The following SOS1 variants were observed in gnomAD, a reference collection of about 807,000 sequenced individuals.
SOS1 encodes SOS Ras/Rac guanine nucleotide exchange factor 1.
SOS1 carries 25 observed loss-of-function variants against 157.6 expected under a neutral mutation model. The ratio of observed to expected loss-of-function variants is 0.16; its 90% confidence interval spans 0.12 to 0.22. The LOEUF is 0.22. SOS1 is among the 10% of genes least tolerant of loss of function. The pLI is 1.00. For missense variants in SOS1, 1,237 were observed against 1,599.1 expected (o/e 0.77, Z 3.86); for synonymous variants, 528 against 534.0 (o/e 0.99, Z 0.16).
chr2:39,045,913 C>T (rs1670766858), intron 6 of SOS1, among the ~76,000 whole-genome samples: 1 of 151,998 alleles, frequency 6.6e-6, no homozygotes. Flanking sequence ...CGGGTTTCAC[C>T]ATGTTGGCCA....
intron 1 of SOS1, among the ~76,000 whole-genome samples, chr2:39,070,894 GCT>G (rs1671771240): frequency 6.6e-6 from 1 of 152,042 alleles, no homozygotes; most frequent in South Asian, 2.1e-4. Context: ...ATGGAGTCTC[GCT>G]CTGTCACTCA....
chr2:39,030,221 G>A (rs1418676356), intron 8 of SOS1, among the ~76,000 whole-genome samples: 2 of 127,140 alleles, frequency 1.6e-5, no homozygotes, highest in Non-Finnish European at 3.2e-5. Context: ...TGATTAATTG[G>A]CCTAACACAA....
chr2:39,058,211 G>A (rs1671281759), intron 3 of SOS1, among the ~76,000 whole-genome samples: 1 of 152,116 alleles, frequency 6.6e-6, no homozygotes, highest in East Asian at 1.9e-4. Flanking sequence ...CTGACTGACT[G>A]ACTTATTTAC....
At position 38,985,366 on chromosome 2, in the gene SOS1, A is replaced by G. The variant is rs940831300; in HGVS notation, c.*458T>C. The stretch of plus-strand genomic sequence containing the variant: ...TGAGTGATTTTTAAGAAAATATTCT[A>G]AAGTAGAAGAGTAAAGCAAAGGAAA... On this transcript the variant is annotated 3_prime_UTR_variant, in exon 23 of 23. Transcript: ENST00000402219. The G allele has an allele frequency of 1.6e-5, 3 of 193,344 alleles. No individual in the cohort carries two copies. Among genetic ancestry groups the G allele is most frequent in the African/African-American group, 7.1e-5 (3 of 42,128 alleles). The allele number at this position is 193,344 out of a possible 1,614,324, so 12.0% of individuals were successfully genotyped here.
At chr2:39,016,603 G>C (rs2124523851) in intron 10 of SOS1, among the ~76,000 whole-genome samples, 1 of 152,222 alleles carries the variant, frequency 6.6e-6, no homozygotes, top group South Asian at 2.1e-4. Flanking sequence ...AGCAAAAGCA[G>C]TGGCCACTAG....
chr2:39,111,637 T>C (rs1278163655), intron 1 of SOS1, among the ~76,000 whole-genome samples: 3 of 152,150 alleles, frequency 2.0e-5, no homozygotes, highest in Admixed American at 6.5e-5. Flanking sequence ...CCATAATCTC[T>C]GTGGACTTCA....
chr2:39,081,028 A>G (rs1009366540), intron 1 of SOS1, among the ~76,000 whole-genome samples: 4 of 151,936 alleles, frequency 2.6e-5, no homozygotes, highest in Non-Finnish European at 5.9e-5. Flanking sequence ...TCTCCAAAAA[A>G]AAAATAATAA....
rs1391583247 is a variant in SOS1, at chr2:38,986,094, A to G, written c.3732T>C (p.His1244=). Residue 1244 remains histidine, a synonymous_variant, in exon 23 of 23, where the codon CAT becomes CAC. Coordinates refer to ENST00000402219, the MANE Select transcript of SOS1 (RefSeq NM_005633.4). ...GGCTGTTTGGGAAGAAGGCATTGCC[A>G]TGGTCACTTTTTTTGCCCAAAGGGG... The part of the protein sequence containing the change: ...QPPPLGKKSD[H]GNAFFPNSPS... The G allele has an allele frequency of 4.3e-6, 7 of 1,613,798 alleles. No homozygotes were observed. Among genetic ancestry groups the G allele is most frequent in the African/African-American group, 1.3e-5 (1 of 74,882 alleles).
chr2:39,043,464 C>T (rs1158054776), intron 6 of SOS1, among the ~76,000 whole-genome samples: 1 of 152,096 alleles, frequency 6.6e-6, no homozygotes, highest in African/African-American at 2.4e-5. Context: ...CCCTTCATGT[C>T]TCTATTCATT....
intron 1 of SOS1, among the ~76,000 whole-genome samples, chr2:39,079,905 C>T (rs1350621872): frequency 6.6e-6 from 1 of 151,924 alleles, no homozygotes; most frequent in Non-Finnish European, 1.5e-5. Flanking sequence ...TTGTGGAAGA[C>T]AATTTTTCCA....
chr2:39,043,214 T>C (rs548803585), intron 6 of SOS1, among the ~76,000 whole-genome samples: 5 of 152,010 alleles, frequency 3.3e-5, no homozygotes, highest in African/African-American at 1.2e-4. Flanking sequence ...GAATGTTTAA[T>C]TTTAAGAAAG....
At chr2:39,121,571 C>G (rs981754503), upstream of SOS1, among the ~76,000 whole-genome samples, 1 of 152,180 alleles carries the variant, frequency 6.6e-6, no homozygotes, top group Non-Finnish European at 1.5e-5. Flanking sequence ...TCCCTCTGTT[C>G]ATCTTTTAAA....
At chr2:39,029,788 C>T (rs1449763456) in intron 8 of SOS1, among the ~76,000 whole-genome samples, 1 of 152,094 alleles carries the variant, frequency 6.6e-6, no homozygotes, top group Non-Finnish European at 1.5e-5. Flanking sequence ...GCTCCAATAC[C>T]ATGTAGCTTT....
intron 1 of SOS1, among the ~76,000 whole-genome samples, chr2:39,101,934 T>G (rs890307517): frequency 1.3e-5 from 2 of 151,902 alleles, no homozygotes; most frequent in African/African-American, 4.8e-5. Flanking sequence ...TAGGCCAGGC[T>G]CAGTGGCTCA....
At chr2:39,041,479 G>C (rs1670565825) in intron 6 of SOS1, among the ~76,000 whole-genome samples, 1 of 151,918 alleles carries the variant, frequency 6.6e-6, no homozygotes, top group Non-Finnish European at 1.5e-5. Flanking sequence ...CTTTCTGTAG[G>C]CTGTCTTTTG....
At chr2:39,010,441 GT>G (rs1669429032) in intron 15 of SOS1, 142 bp downstream of exon 15, 4 of 711,842 alleles carry the variant, frequency 5.6e-6, no homozygotes, top group Non-Finnish European at 9.9e-6. Context: ...GGAGGTGGAG[GT>G]TTCAGTGGGC....
At chr2:39,021,248 G>A (rs1424156818) in intron 10 of SOS1, among the ~76,000 whole-genome samples, 1 of 151,470 alleles carries the variant, frequency 6.6e-6, no homozygotes, top group Non-Finnish European at 1.5e-5. Context: ...ACAAGTATCA[G>A]CTTGTTCCAG....
Position 38,995,604 on chromosome 2 carries a change from ATAAC to A in SOS1, c.3082-221_3082-218del, listed in dbSNP as rs550702059. ...ATTGTTAAAGAATGCATTTCTTTAA[ATAAC>A]TAAGTTTTAGTCCTATAAATACTAG... On this transcript the variant is annotated intron_variant, in intron 19 of 22. Coordinates refer to ENST00000402219, the MANE Select transcript of SOS1 (RefSeq NM_005633.4). 2.6e-5 allele frequency among the ~76,000 whole-genome samples: 4 copies of A among 152,354 alleles called. No individual in the cohort carries two copies. The East Asian group carries it at 7.7e-4, about 29-fold the overall frequency.
intron 19 of SOS1, 69 bp from the exon 20 acceptor site, chr2:38,995,456 G>A: frequency 1.6e-6 from 2 of 1,265,282 alleles, no homozygotes; most frequent in Non-Finnish European, 2.3e-6. Context: ...TTCTATATGT[G>A]CCTGGTAAAA....
Sources: gnomAD v4.1 joint callset for allele counts (sites outside exome capture counted in the v4.1 genomes callset) on GRCh38, gnomAD v4.1.1 for gene constraint, MANE v1.5 for transcripts, NCBI Gene and HGNC (gene_info 2026-07-23, HGNC 2026-07-21) for gene names.